The following TEC variants were observed in gnomAD, a reference collection of about 807,000 sequenced individuals.
TEC encodes the protein tyrosine-protein kinase Tec.
Under a neutral mutation model 93.0 loss-of-function variants are expected in TEC, and 72 were observed. The observed-to-expected ratio is 0.77, with a 90% CI of 0.64 to 0.94. The LOEUF (loss-of-function observed/expected upper bound fraction) is 0.94. TEC is among the 40% of genes least tolerant of loss of function. TEC has a pLI of 0.00. For synonymous variants in TEC, 249 were observed against 247.7 expected, an observed-to-expected ratio of 1.01 and a Z score of -0.05; for missense variants, 630 against 757.9, an observed-to-expected ratio of 0.83 and a Z score of 1.98.
intron 8 of TEC, among the ~76,000 whole-genome samples, chr4:48,162,538 C>A (rs562460855): frequency 6.6e-6 from 1 of 152,174 alleles, no homozygotes; most frequent in Non-Finnish European, 1.5e-5. Flanking sequence ...CCTTTTAGCA[C>A]CTTCCCTAAT....
At chr4:48,160,261 A>T (rs1720572233) in intron 8 of TEC, among the ~76,000 whole-genome samples, 1 of 152,136 alleles carries the variant, frequency 6.6e-6, no homozygotes, top group Non-Finnish European at 1.5e-5. Context: ...GTTCCTATTG[A>T]CCTTTTAAAG....
chr4:48,161,430 C>G (rs1013407654), intron 8 of TEC, among the ~76,000 whole-genome samples: 2 of 152,006 alleles, frequency 1.3e-5, no homozygotes, highest in African/African-American at 4.8e-5. Flanking sequence ...TCTCTCCGAT[C>G]TTCTCCTCCC....
At chr4:48,156,774 T>A in intron 8 of TEC, 40 bp from the exon 9 acceptor site, 2 of 1,517,848 alleles carry the variant, frequency 1.3e-6, no homozygotes, top group Non-Finnish European at 1.8e-6. Flanking sequence ...CTCAGGTTTT[T>A]AGGATATATT....
intron 12 of TEC, 82 bp from the exon 13 acceptor site, chr4:48,145,661 C>T (rs1227351872): frequency 1.4e-6 from 2 of 1,408,062 alleles, no homozygotes; most frequent in Admixed American, 1.8e-5. Flanking sequence ...GAACCTACAA[C>T]CAAGATCAAC....
At chr4:48,171,041 ACT>A (rs1422203598) in intron 4 of TEC, among the ~76,000 whole-genome samples, 2 of 151,392 alleles carry the variant, frequency 1.3e-5, no homozygotes, top group Non-Finnish European at 2.9e-5. Flanking sequence ...ACAGAGTGAA[ACT>A]CTGTCTCAAA....
chr4:48,167,661 C>T lies in TEC; in HGVS notation c.671+117G>A. On this transcript the variant is annotated intron_variant, in intron 7 of 17. Transcript: ENST00000381501. ...ACTACCAAGTAATAAGGTGTGCTTC[C>T]ATTTATGGCTGGTGAAATTAGTCTC... The T allele has an allele frequency of 3.2e-6, 3 of 927,728 alleles. No homozygotes were observed. The South Asian group carries it at 4.9e-5, about 15-fold the overall frequency. 57.5% of individuals were successfully genotyped at this position (927,728 alleles called of 1,614,324 possible).
At chr4:48,203,541 T>G (rs1403174001) in intron 2 of TEC, among the ~76,000 whole-genome samples, 1 of 152,046 alleles carries the variant, frequency 6.6e-6, no homozygotes, top group African/African-American at 2.4e-5. Context: ...AACCCCAACA[T>G]GATGGTCCCC....
chr4:48,142,449 G>A (rs1449014340), intron 14 of TEC, among the ~76,000 whole-genome samples: 1 of 152,004 alleles, frequency 6.6e-6, no homozygotes, highest in African/African-American at 2.4e-5. Context: ...CTCCAGCCTG[G>A]GTGACAGAGC....
chr4:48,158,029 C>A (rs1248117361), intron 8 of TEC, among the ~76,000 whole-genome samples: 1 of 152,136 alleles, frequency 6.6e-6, no homozygotes, highest in African/African-American at 2.4e-5. Context: ...AAGAATTCTC[C>A]ACCACAGTCA....
chr4:48,233,749 C>A (rs1479490214), intron 1 of TEC, among the ~76,000 whole-genome samples: 1 of 144,436 alleles, frequency 6.9e-6, no homozygotes. Flanking sequence ...TACTAGAAAT[C>A]AAAAATAAAA....
At position 48,145,524 on chromosome 4, in the gene TEC, T is replaced by C; in HGVS notation, c.1137A>G (p.Gly379=). Residue 379 remains glycine (G), a synonymous_variant, in exon 13 of 18, where the codon GGA becomes GGG. Coordinates refer to ENST00000381501, the MANE Select transcript of TEC (RefSeq NM_003215.3). ...ELTFMRELGS[G]LFGVVRLGKW... ...TGCCAAGCCTCACCACTCCAAACAG[T>C]CCACTTCCCAATTCCCTCATAAAGG... 6.2e-7 allele frequency: 1 copy of C among 1,614,094 alleles called. No individual in the cohort carries two copies. Among genetic ancestry groups the C allele is most frequent in the East Asian group, 2.2e-5 (1 of 44,874 alleles).
At chr4:48,225,464 A>G (rs1036964903) in intron 2 of TEC, among the ~76,000 whole-genome samples, 1 of 152,234 alleles carries the variant, frequency 6.6e-6, no homozygotes, top group Non-Finnish European at 1.5e-5. Flanking sequence ...GGCATGAGCC[A>G]CCACGACCGG....
chr4:48,268,224 T>G (rs1300653765), intron 1 of TEC, among the ~76,000 whole-genome samples: 1 of 152,236 alleles, frequency 6.6e-6, no homozygotes, highest in African/African-American at 2.4e-5. Flanking sequence ...CTATATCCTT[T>G]CCTAGTTGGG....
At chr4:48,257,353 G>C (rs1216459624) in intron 1 of TEC, among the ~76,000 whole-genome samples, 1 of 152,158 alleles carries the variant, frequency 6.6e-6, no homozygotes, top group Non-Finnish European at 1.5e-5. Context: ...TAAGGGGCTT[G>C]GGGTGATATC....
intron 2 of TEC, among the ~76,000 whole-genome samples, chr4:48,178,161 G>A (rs1358460845): frequency 2.2e-5 from 3 of 138,694 alleles, no homozygotes; most frequent in South Asian, 2.6e-4. Flanking sequence ...CCAGGCTTTC[G>A]CTGCTGCTCA....
intron 2 of TEC, among the ~76,000 whole-genome samples, chr4:48,212,110 A>AAAAAAAAAAAAAAATATATATAT: frequency 8.2e-6 from 1 of 122,246 alleles, no homozygotes; most frequent in African/African-American, 3.0e-5. Flanking sequence ...AAAAAAAAAA[A>AAAAAAAAAAAAAAATATATATAT]ATATATATAT....
rs774416105 is a variant in TEC, at chr4:48,138,831, G to A, written c.1655-9C>T. On this transcript the variant is annotated splice_polypyrimidine_tract_variant and intron_variant, in intron 16 of 17. Transcript: ENST00000381501. ...TTCCCACATTAAAACACCTGGAAAA[G>A]GATAAGGATTACCAAATGGATGTAT... 3.1e-6 allele frequency: 5 copies of A among 1,613,404 alleles called. No individual in the cohort carries two copies. The highest frequency in any genetic ancestry group is 4.2e-6 in the Non-Finnish European group (5 of 1,179,594).
intron 1 of TEC, among the ~76,000 whole-genome samples, chr4:48,247,244 A>C (rs1269576815): frequency 6.6e-6 from 1 of 152,256 alleles, no homozygotes; most frequent in East Asian, 1.9e-4. Flanking sequence ...CTGAACAAGT[A>C]TTAGCAAGAA....
intron 1 of TEC, among the ~76,000 whole-genome samples, chr4:48,269,379 C>G (rs896842325): frequency 2.0e-5 from 3 of 152,264 alleles, no homozygotes; most frequent in African/African-American, 7.2e-5. Flanking sequence ...GAGGCATCAG[C>G]CCTGCTCGCC....
Sources: allele counts gnomAD v4.1 joint callset (sites outside exome capture counted in the v4.1 genomes callset), GRCh38; gene constraint gnomAD v4.1.1; transcripts MANE v1.5; gene names NCBI Gene and HGNC (gene_info 2026-07-23, HGNC 2026-07-21).